Variants in ARSF observed in about 807,000 individuals in gnomAD.
The protein encoded by ARSF is arylsulfatase F.
In ARSF, 33 loss-of-function variants were observed where a neutral mutation model predicts 35.4. The ratio of observed to expected loss-of-function variants is 0.93; its 90% CI spans 0.71 to 1.25. The LOEUF is 1.25. Ranked by LOEUF, ARSF falls within the 50% of genes most tolerant of loss-of-function variation. The pLI is 0.00. For missense variants in ARSF, 501 were observed against 480.2 expected (o/e 1.04, Z -0.40); for synonymous variants, 222 against 193.1 (o/e 1.15, Z -1.24).
chrX:3,103,356 G>A (rs2090391609), intron 8 of ARSF, among the ~76,000 whole-genome samples: 2 of 111,006 alleles, frequency 1.8e-5, no homozygotes, highest in Admixed American at 9.7e-5. Context: ...GTTCAGGCAC[G>A]CCTCATTGAG....
chrX:3,102,170 G>A (rs776992122), intron 8 of ARSF, among the ~76,000 whole-genome samples: 7 of 111,069 alleles, frequency 6.3e-5, no homozygotes, highest in African/African-American at 2.3e-4. Context: ...GGTTACAGGT[G>A]GTTTTTGGTT....
At chrX:3,079,746 G>A (rs1183391191) in intron 4 of ARSF, among the ~76,000 whole-genome samples, 7 of 107,944 alleles carry the variant, frequency 6.5e-5, no homozygotes. Flanking sequence ...GATCAGTTGA[G>A]GCCAGGAATT....
At chrX:3,088,134 C>T (rs1418516537) in intron 6 of ARSF, among the ~76,000 whole-genome samples, 3 of 111,986 alleles carry the variant, frequency 2.7e-5, no homozygotes, top group Admixed American at 9.5e-5. Context: ...GCCTAGTTCC[C>T]TGTATCCTCA....
chrX:3,058,733 T>C (rs971894999), intron 1 of ARSF: 3 of 247,409 alleles, frequency 1.2e-5, no homozygotes, highest in Non-Finnish European at 2.3e-5. Context: ...CAGTGGTGCA[T>C]GCCTGTAGTT....
intron 6 of ARSF, among the ~76,000 whole-genome samples, chrX:3,084,966 A>G (rs1328865064): frequency 1.8e-5 from 2 of 111,753 alleles, no homozygotes. Context: ...TGCATTAATA[A>G]AAATAATAGG....
rs747780230 is a variant in ARSF at position 3,080,994 on chromosome X, A to T, written c.387A>T (p.Gly129=). The change falls in exon 5 of 11, where the codon GGA becomes GGT. Residue 129 remains glycine (G), a synonymous_variant. Transcript: ENST00000381127. The part of the protein sequence containing the change: ...TTLAALLKKQ[G]YSTGLIGKWH... ...TTGCAGCCTTGCTAAAGAAGCAAGGATACAGCACGGGGCTTATAGGTAAGA... is the reference window on the plus strand; with the variant it reads ...TTGCAGCCTTGCTAAAGAAGCAAGGTTACAGCACGGGGCTTATAGGTAAGA... 12 of 1,210,097 alleles carry T rather than the reference A, an allele frequency of 9.9e-6. No individual in the cohort carries two copies.
intron 6 of ARSF, among the ~76,000 whole-genome samples, chrX:3,088,791 C>T (rs372806124): frequency 7.5e-4 from 84 of 111,306 alleles, no homozygotes; most frequent in African/African-American, 2.6e-3. Context: ...AAACTCCTAA[C>T]CTCAGGTGAT....
intron 2 of ARSF, 76 bp from the exon 3 acceptor site, chrX:3,071,950 T>A: frequency 9.6e-7 from 1 of 1,042,539 alleles, no homozygotes; most frequent in Non-Finnish European, 1.3e-6. Context: ...AGACCCCTGT[T>A]GTGTTGTGTT....
chrX:3,102,503 C>A (rs1336092975), intron 8 of ARSF, among the ~76,000 whole-genome samples: 1 of 112,277 alleles, frequency 8.9e-6, no homozygotes, highest in Non-Finnish European at 1.9e-5. Context: ...GTATGTACAC[C>A]ACGTTTTCTT....
intron 1 of ARSF, among the ~76,000 whole-genome samples, chrX:3,060,831 C>T (rs1004015043): frequency 6.3e-5 from 7 of 111,771 alleles, no homozygotes; most frequent in Admixed American, 2.9e-4. Context: ...ACCAAATCTA[C>T]ATCTGATTGG....
intron 4 of ARSF, among the ~76,000 whole-genome samples, chrX:3,080,187 C>CT (rs2090188986): frequency 1.1e-5 from 1 of 89,502 alleles, no homozygotes; most frequent in African/African-American, 4.1e-5. Flanking sequence ...AAGAAAAGGT[C>CT]TTTTTTGGCT....
rs775909323 is a variant in ARSF, at chrX:3,112,275, G to A, written c.1492G>A (p.Val498Ile). ...TSLCRCFGEQ[V>I]TYHNPPLLFD... ...ATTATGCAGATGTTTCGGAGAACAG[G>A]TTACCTACCACAACCCCCCTCTGCT... Residue 498 changes from valine to isoleucine, a missense_variant, in exon 11 of 11, where the codon GTT (valine) becomes ATT (isoleucine). Transcript: ENST00000381127. 3.3e-6 allele frequency: 4 copies of A among 1,210,793 alleles called. No individual in the cohort carries two copies. The Admixed American group carries it at 8.7e-5, about 26-fold the overall frequency.
chrX:3,063,509 C>T (rs1360707346), intron 1 of ARSF, among the ~76,000 whole-genome samples: 2 of 111,521 alleles, frequency 1.8e-5, no homozygotes, highest in Non-Finnish European at 1.9e-5. Context: ...AAGAGGAAGT[C>T]GAATTGTCCC....
chrX:3,111,138 CTTTTTT>C (rs1164012790), intron 10 of ARSF, among the ~76,000 whole-genome samples: 1 of 89,274 alleles, frequency 1.1e-5, no homozygotes, highest in Admixed American at 1.3e-4. Context: ...TTCTTTCTTT[CTTTTTT>C]TTTTTTTTGG....
chrX:3,049,312 A>T (rs1271107390), intron 1 of ARSF, among the ~76,000 whole-genome samples: 5 of 106,106 alleles, frequency 4.7e-5, no homozygotes, highest in Admixed American at 4.1e-4. Context: ...TTTGATCAGA[A>T]TACACAATTT....
At chrX:3,060,198 C>T (rs1482056875) in intron 1 of ARSF, among the ~76,000 whole-genome samples, 1 of 112,182 alleles carries the variant, frequency 8.9e-6, no homozygotes, top group Non-Finnish European at 1.9e-5. Flanking sequence ...CAGCAAACTC[C>T]AACAGACCTG....
At chrX:3,102,781 G>A (rs950790086) in intron 8 of ARSF, among the ~76,000 whole-genome samples, 1 of 110,383 alleles carries the variant, frequency 9.1e-6, no homozygotes, top group South Asian at 3.9e-4. Flanking sequence ...GCATAGTGGC[G>A]GACACCTGTA....
Position 3,084,550 on chromosome X carries a change from G to A in ARSF, c.714G>A (p.Thr238=), listed in dbSNP as rs764936345. 6 of 1,211,402 alleles carry A rather than the reference G, an allele frequency of 5.0e-6. No individual in the cohort carries two copies. The highest frequency in any genetic ancestry group is 5.6e-6 in the Non-Finnish European group (5 of 895,504). The change falls in exon 6 of 11, where the codon ACG becomes ACA. Residue 238 remains threonine (T), a synonymous_variant. Transcript: ENST00000381127. ...LLGYAWFSSH[T]SPLYWDCLLM... is the part of the protein sequence containing the mutation. Reference sequence around the variant, plus strand: ...GCTATGCTTGGTTCTCCAGCCACACGTCCCCTTTATACTGGGACTGCCTCC... The same window carrying A: ...GCTATGCTTGGTTCTCCAGCCACACATCCCCTTTATACTGGGACTGCCTCC...
At chrX:3,104,824 A>G (rs1449882675) in intron 9 of ARSF, among the ~76,000 whole-genome samples, 2 of 112,156 alleles carry the variant, frequency 1.8e-5, no homozygotes, top group African/African-American at 6.5e-5. Context: ...GGAGATGAAG[A>G]CATGGTAGGT....
Sources: gnomAD v4.1 joint callset for allele counts (sites outside exome capture counted in the v4.1 genomes callset) on GRCh38, gnomAD v4.1.1 for gene constraint, MANE v1.5 for transcripts, NCBI Gene and HGNC (gene_info 2026-07-23, HGNC 2026-07-21) for gene names.